The following CAPRIN2 variants were observed in gnomAD, a reference collection of about 807,000 sequenced individuals.
CAPRIN2 encodes caprin-2.
A neutral mutation model predicts 130.4 loss-of-function variants in CAPRIN2; 66 were observed. That is an observed-to-expected ratio of 0.51 (90% CI 0.42 to 0.62). The LOEUF (loss-of-function observed/expected upper bound fraction) is 0.62. CAPRIN2 is among the 20% of genes least tolerant of loss of function. The pLI, the probability that CAPRIN2 is intolerant of heterozygous loss-of-function variation, is 0.00. For missense variants in CAPRIN2, 1,185 were observed against 1,246.6 expected, an observed-to-expected ratio of 0.95 and a Z score of 0.74; for synonymous variants, 471 against 444.1, an observed-to-expected ratio of 1.06 and a Z score of -0.76.
intron 9 of CAPRIN2, among the ~76,000 whole-genome samples, chr12:30,725,205 C>G (rs1160581671): frequency 6.6e-6 from 1 of 152,194 alleles, no homozygotes; most frequent in Non-Finnish European, 1.5e-5. Flanking sequence ...AAATCACGCT[C>G]TTGTATCTGC....
At chr12:30,728,698 T>C (rs768292581) in exon 8 of CAPRIN2, 1 of 1,613,652 alleles carries the variant, frequency 6.2e-7, no homozygotes, top group South Asian at 1.1e-5. Context: ...TCATTTGGTA[T>C]GAGGCTTGCT....
chr12:30,726,062 TACAGGCTGATGC>T, exon 9 of CAPRIN2: 2 of 1,584,916 alleles, frequency 1.3e-6, no homozygotes, highest in Non-Finnish European at 1.7e-6. Context: ...AGGAAGAACC[TACAGGCTGATGC>T]ACAGGCTTAG....
At chr12:30,717,780 C>T (rs17687964) in intron 12 of CAPRIN2, among the ~76,000 whole-genome samples, 11,051 of 152,110 alleles carry the variant, frequency 0.073, 465 homozygotes, top group Middle Eastern at 0.13. Context: ...TGAATCTTTA[C>T]CACGTGGCAA....
intron 10 of CAPRIN2, among the ~76,000 whole-genome samples, chr12:30,723,692 C>T (rs2060076438): frequency 6.6e-6 from 1 of 152,170 alleles, no homozygotes. Context: ...TCAATCTTAT[C>T]TGGATCATCC....
chr12:30,741,585 C>T (rs2067454647), intron 2 of CAPRIN2, among the ~76,000 whole-genome samples: 1 of 151,972 alleles, frequency 6.6e-6, no homozygotes, highest in African/African-American at 2.4e-5. Flanking sequence ...ATGCAATGTC[C>T]TACAGGAAAT....
chr12:30,732,603 T>C (rs1174733592), intron 5 of CAPRIN2, among the ~76,000 whole-genome samples: 2 of 152,110 alleles, frequency 1.3e-5, no homozygotes, highest in East Asian at 3.9e-4. Context: ...CATCCCATTA[T>C]GTCTTTTCTA....
intron 15 of CAPRIN2, among the ~76,000 whole-genome samples, 171 bp downstream of exon 17, chr12:30,713,614 G>A (rs889753004): frequency 2.0e-5 from 3 of 152,114 alleles, no homozygotes; most frequent in African/African-American, 7.2e-5. Context: ...TATCTTTCTT[G>A]GGTAATTGCA....
At chr12:30,745,454 G>A (rs941947885) in intron 2 of CAPRIN2, among the ~76,000 whole-genome samples, 1 of 152,064 alleles carries the variant, frequency 6.6e-6, no homozygotes, top group Admixed American at 6.6e-5. Flanking sequence ...ACCTTATGTA[G>A]CTTAGCCTTG....
At chr12:30,750,978 T>G (rs967705588) in intron 2 of CAPRIN2, 93 bp downstream of exon 3, 16 of 883,224 alleles carry the variant, frequency 1.8e-5, no homozygotes, top group Middle Eastern at 2.2e-4. Context: ...ACTGTGTGTG[T>G]GTGTGCTATA....
exon 4 of CAPRIN2, chr12:30,735,088 T>C: frequency 6.2e-7 from 1 of 1,614,136 alleles, no homozygotes; most frequent in South Asian, 1.1e-5. Context: ...TTGTACGTGC[T>C]CCTGTGTCAA....
At position 30,731,432 on chromosome 12, in the gene CAPRIN2, T is replaced by C. The variant is rs574786135; in HGVS notation, c.971A>G (p.Lys324Arg). The C allele has an allele frequency of 4.2e-4, 676 of 1,613,130 alleles. 9 individuals carry two copies. In the South Asian group the frequency reaches 6.2e-3, roughly 15 times the overall value. The change falls in exon 6 of 17, where the codon AAG (lysine) becomes AGG (arginine). Residue 324 changes from lysine to arginine, a missense_variant. Lys to Arg is a conservative substitution (Grantham distance 26). Around this residue, in one of 2 missense-constraint regions of CAPRIN2, gnomAD observed 1,104 missense variants for 1,104.3 expected, o/e 1.00. Coordinates refer to ENST00000298892, the Ensembl canonical transcript of CAPRIN2. ...TTCCTCCAGTGGTACTTCCTTTTCC[T>C]TGGCATTTTTGGGAACTGGGATACT...
At position 30,710,975 on chromosome 12, in the gene CAPRIN2, G is replaced by T. The variant is rs10734791; in HGVS notation, c.2666-505C>A. Among the ~76,000 whole-genome samples the T allele has an allele frequency of 0.57, 87,353 of 152,050 alleles. 26,391 individuals are homozygous for T. Among genetic ancestry groups the T allele is most frequent in the African/African-American group, 0.77 (31,828 of 41,516 alleles). ...TTTTTTATTTCCAAGTCATACACTT[G>T]TAATGTTTTAAGTGCCATACAAAAA... On this transcript the variant is annotated intron_variant, in intron 16 of 16. Coordinates refer to ENST00000298892, the Ensembl canonical transcript of CAPRIN2. The surrounding 1 kb of genome is among the most constrained non-coding windows in gnomAD (Gnocchi z 4.8).
intron 2 of CAPRIN2, among the ~76,000 whole-genome samples, chr12:30,741,691 C>T (rs979399246): frequency 7.9e-5 from 12 of 151,916 alleles, no homozygotes; most frequent in Non-Finnish European, 1.6e-4. Context: ...CAAATCTATA[C>T]GGAAGAGAAA....
intron 11 of CAPRIN2, among the ~76,000 whole-genome samples, chr12:30,722,128 G>T (rs2059597138): frequency 6.6e-6 from 1 of 152,208 alleles, no homozygotes; most frequent in African/African-American, 2.4e-5. Context: ...TTCAATTTCA[G>T]TTAAAAGGTT....
intron 3 of CAPRIN2, among the ~76,000 whole-genome samples, chr12:30,738,002 C>G (rs2065698395): frequency 6.6e-6 from 1 of 152,048 alleles, no homozygotes; most frequent in Non-Finnish European, 1.5e-5. Flanking sequence ...AGAAGGACTT[C>G]CAAATTTACT....
At chr12:30,726,415 A>G (rs2060937790) in intron 8 of CAPRIN2, among the ~76,000 whole-genome samples, 2 of 142,292 alleles carry the variant, frequency 1.4e-5, no homozygotes, top group African/African-American at 5.0e-5. Context: ...ACAATAAGAC[A>G]TACCAATGAT....
exon 1 of CAPRIN2, chr12:30,753,381 C>T: frequency 6.2e-7 from 1 of 1,613,278 alleles, no homozygotes; most frequent in Non-Finnish European, 8.5e-7. Flanking sequence ...GTGTTTAAGG[C>T]ATATGAGTCC....
intron 1 of CAPRIN2, among the ~76,000 whole-genome samples, chr12:30,753,022 TA>T (rs1261158617): frequency 2.6e-5 from 4 of 152,128 alleles, no homozygotes; most frequent in Non-Finnish European, 4.4e-5. Context: ...GAAAACAAGC[TA>T]AAAAATCAGC....
intron 3 of CAPRIN2, among the ~76,000 whole-genome samples, chr12:30,739,259 T>C (rs568856645): frequency 6.6e-6 from 1 of 152,310 alleles, no homozygotes; most frequent in South Asian, 2.1e-4. Context: ...TGCAGGAACA[T>C]GGATGGAGTT....
Sources: allele counts gnomAD v4.1 joint callset (sites outside exome capture counted in the v4.1 genomes callset), GRCh38; gene constraint gnomAD v4.1.1; regional missense constraint gnomAD v4.1.1; non-coding constraint Gnocchi (gnomAD v3.1); transcripts MANE v1.5; gene names NCBI Gene and HGNC (gene_info 2026-07-23, HGNC 2026-07-21).